The following RBFOX1 variants were observed in gnomAD, a reference collection of about 807,000 sequenced individuals.
RBFOX1 encodes RNA binding protein fox-1 homolog 1.
Under a neutral mutation model 57.7 loss-of-function variants are expected in RBFOX1, and 8 were observed. The ratio of observed to expected loss-of-function variants is 0.14; its 90% confidence interval spans 0.08 to 0.25. RBFOX1 has a LOEUF of 0.25. Ranked by LOEUF, RBFOX1 falls within the 10% of genes least tolerant of loss-of-function variation. The pLI, the probability that RBFOX1 is intolerant of heterozygous loss-of-function variation, is 1.00. For missense variants in RBFOX1, 611 were observed against 548.5 expected, an observed-to-expected ratio of 1.11 and a Z score of -1.14; for synonymous variants, 326 against 222.4, an observed-to-expected ratio of 1.47 and a Z score of -4.15.
intron 1 of RBFOX1, among the ~76,000 whole-genome samples, chr16:6,253,800 G>A (rs926927179): frequency 2.0e-5 from 3 of 151,638 alleles, no homozygotes; most frequent in African/African-American, 4.8e-5. Context: ...CTTCTGAGTC[G>A]TCTGACCAGC....
intron 3 of RBFOX1, among the ~76,000 whole-genome samples, chr16:5,739,991 G>A (rs1031591212): frequency 6.6e-6 from 1 of 152,372 alleles, no homozygotes; most frequent in Non-Finnish European, 1.5e-5. Context: ...GGAGGGATCA[G>A]TGTGGCCAGC....
chr16:6,694,599 C>T, intron 3 of RBFOX1, among the ~76,000 whole-genome samples: 1 of 152,126 alleles, frequency 6.6e-6, no homozygotes, highest in Non-Finnish European at 1.5e-5. Flanking sequence ...GGAACTCAGT[C>T]TCATGTTTGC....
At chr16:7,305,691 TG>T in intron 4 of RBFOX1, among the ~76,000 whole-genome samples, 1 of 152,362 alleles carries the variant, frequency 6.6e-6, no homozygotes, top group Non-Finnish European at 1.5e-5. Context: ...AACATTTGGG[TG>T]ATTTTCTATC....
chr16:7,636,586 G>C (rs1031762344), intron 11 of RBFOX1, among the ~76,000 whole-genome samples: 1 of 152,104 alleles, frequency 6.6e-6, no homozygotes, highest in Non-Finnish European at 1.5e-5. Context: ...GATCATTTTA[G>C]ACGTCATTTT....
At chr16:6,194,581 A>C (rs13331028) in intron 1 of RBFOX1, among the ~76,000 whole-genome samples, 1 of 151,880 alleles carries the variant, frequency 6.6e-6, no homozygotes, top group African/African-American at 2.4e-5. Flanking sequence ...CCCTTCTACT[A>C]TCTTGGCCTG....
At chr16:7,196,154 G>C (rs1308103154) in intron 4 of RBFOX1, among the ~76,000 whole-genome samples, 3 of 152,088 alleles carry the variant, frequency 2.0e-5, no homozygotes, top group Non-Finnish European at 4.4e-5. Context: ...AAAGGAACAG[G>C]CTTGGCCCAA....
At chr16:6,945,060 T>G (rs1454186429) in intron 3 of RBFOX1, among the ~76,000 whole-genome samples, 2 of 152,140 alleles carry the variant, frequency 1.3e-5, no homozygotes, top group African/African-American at 4.8e-5. Flanking sequence ...AATGCATTAT[T>G]GAGGGTTTGT....
intron 2 of RBFOX1, among the ~76,000 whole-genome samples, chr16:6,476,769 T>C (rs1349893362): frequency 6.6e-6 from 1 of 152,228 alleles, no homozygotes; most frequent in African/African-American, 2.4e-5. Context: ...GAAATACTTC[T>C]CTGCAGCACC....
At chr16:6,501,277 C>G (rs2095914158) in intron 2 of RBFOX1, among the ~76,000 whole-genome samples, 1 of 145,900 alleles carries the variant, frequency 6.9e-6, no homozygotes, top group South Asian at 2.3e-4. Flanking sequence ...TCTCCAAATG[C>G]TATCCCTCCC....
intron 4 of RBFOX1, among the ~76,000 whole-genome samples, chr16:7,503,466 C>G (rs1390505547): frequency 6.6e-6 from 1 of 152,164 alleles, no homozygotes; most frequent in Non-Finnish European, 1.5e-5. Context: ...AGGGTAACTG[C>G]AAGTCAGGTA....
intron 2 of RBFOX1, among the ~76,000 whole-genome samples, chr16:6,547,177 G>C (rs1164607140): frequency 1.3e-5 from 2 of 152,142 alleles, no homozygotes; most frequent in Non-Finnish European, 2.9e-5. Context: ...GTGGGGAAAC[G>C]TTTATTATAA....
At chr16:6,113,248 AG>A (rs1360616316) in intron 1 of RBFOX1, among the ~76,000 whole-genome samples, 1 of 152,182 alleles carries the variant, frequency 6.6e-6, no homozygotes, top group Non-Finnish European at 1.5e-5. Flanking sequence ...CAAGAGGGTG[AG>A]GCCGATTGCA....
In RBFOX1 at chr16:7,054,259, T is replaced by A. The variant is rs538470100; in HGVS notation, c.27+2161T>A. Among the ~76,000 whole-genome samples the A allele has an allele frequency of 1.9e-4, 17 of 90,970 alleles. No individual in the cohort carries two copies. The South Asian group carries it at 2.2e-3, about 12-fold the overall frequency. 59.7% of individuals were successfully genotyped at this position (90,970 alleles called of 152,430 possible). A position where few individuals can be genotyped will look rare whatever the true frequency, so the allele number is the denominator to read the frequency against. Reference sequence around the variant, plus strand: ...TTTTTTTTTTTTTTTTTTTTTTTTTTAGAGAGAGTCTCTTTCTTTCATCAT... The same window carrying A: ...TTTTTTTTTTTTTTTTTTTTTTTTTAAGAGAGAGTCTCTTTCTTTCATCAT... On this transcript the variant is annotated intron_variant, in intron 4 of 15. Transcript: ENST00000550418.
At chr16:5,587,041 C>T (rs1237536443) in intron 2 of RBFOX1, among the ~76,000 whole-genome samples, 6 of 152,188 alleles carry the variant, frequency 3.9e-5, no homozygotes, top group African/African-American at 2.4e-5. Context: ...ACCTGGGTCT[C>T]AGCCCCAGAG....
intron 14 of RBFOX1, among the ~76,000 whole-genome samples, chr16:7,705,048 GA>G (rs36086189): frequency 0.88 from 114,638 of 130,148 alleles, 50,593 homozygotes; most frequent in East Asian, 0.96. Context: ...TGTCTCAAAA[GA>G]AAAAAAAAAA....
At chr16:6,831,458 C>T (rs1603630017) in intron 3 of RBFOX1, among the ~76,000 whole-genome samples, 1 of 152,220 alleles carries the variant, frequency 6.6e-6, no homozygotes, top group South Asian at 2.1e-4. Flanking sequence ...CTCAGCAAAC[C>T]CTCCAACCAA....
At chr16:7,644,298 G>T (rs762910692) in intron 11 of RBFOX1, among the ~76,000 whole-genome samples, 2 of 152,156 alleles carry the variant, frequency 1.3e-5, no homozygotes, top group Admixed American at 1.3e-4. Flanking sequence ...TAATCTCCGG[G>T]TCTGGCAATT....
At chr16:6,644,920 A>G (rs1465504056) in intron 2 of RBFOX1, among the ~76,000 whole-genome samples, 1 of 152,174 alleles carries the variant, frequency 6.6e-6, no homozygotes, top group Non-Finnish European at 1.5e-5. Context: ...GATCCTCTGT[A>G]TTTATTTTCT....
At chr16:6,579,390 C>A (rs914893074) in intron 2 of RBFOX1, among the ~76,000 whole-genome samples, 1 of 151,966 alleles carries the variant, frequency 6.6e-6, no homozygotes, top group African/African-American at 2.4e-5. Context: ...CTTTGTGTCT[C>A]CACCCAAATC....
Sources: allele counts gnomAD v4.1 joint callset (sites outside exome capture counted in the v4.1 genomes callset), GRCh38; gene constraint gnomAD v4.1.1; transcripts MANE v1.5; gene names NCBI Gene and HGNC (gene_info 2026-07-23, HGNC 2026-07-21).